The following EML5 variants were observed in gnomAD, a reference collection of about 807,000 sequenced individuals.
The protein encoded by EML5 is EMAP like 5.
A neutral mutation model predicts 250.0 loss-of-function variants in EML5; 120 were observed. The observed-to-expected ratio is 0.48, with a 90% confidence interval of 0.41 to 0.56. EML5 has a LOEUF of 0.56. Ranked by LOEUF, EML5 falls within the 20% of genes least tolerant of loss-of-function variation. The probability of loss-of-function intolerance (pLI) is 0.00; values close to 1 mark genes in which losing one functional copy is unlikely to be tolerated. For missense variants in EML5, 2,006 were observed against 2,437.6 expected (o/e 0.82, Z 3.73); for synonymous variants, 771 against 806.5 (o/e 0.96, Z 0.75).
chr14:88,693,444 C>T (rs556307863), intron 17 of EML5, among the ~76,000 whole-genome samples: 3 of 152,262 alleles, frequency 2.0e-5, no homozygotes, highest in East Asian at 3.9e-4. Flanking sequence ...TCTCATGAGA[C>T]GTATTCACTT....
chr14:88,702,568 C>T lies in EML5; in HGVS notation c.2116G>A (p.Val706Met), dbSNP rs776244158. The T allele has an allele frequency of 2.5e-6, 4 of 1,612,544 alleles. No individual in the cohort carries two copies. The highest frequency in any genetic ancestry group is 3.4e-6 in the Non-Finnish European group (4 of 1,179,276). Residue 706 changes from valine to methionine, a missense_variant, in exon 14 of 44, where the codon GTG becomes ATG. Coordinates refer to ENST00000554922, the MANE Select transcript of EML5 (RefSeq NM_183387.3). ...TTATAAATGACACCCACTGCTGCCA[C>T]ATGGTACACAATTTCACCAATTTGA... Reference protein sequence around the residue: ...YTQIGEIVYHVAAVGVIYNRQ... With the variant: ...YTQIGEIVYHMAAVGVIYNRQ...
In EML5 at chr14:88,624,956, G is replaced by A. The variant is rs2089695639; in HGVS notation, c.4898+14C>T. The stretch of plus-strand genomic sequence containing the variant: ...CAAATGCATAAATATTCTGTGAAAA[G>A]AAAGAGGACTCACGGCCTTTCCTTT... On this transcript the variant is annotated intron_variant, in intron 36 of 43. Transcript: ENST00000554922. The A allele has an allele frequency of 3.1e-6, 5 of 1,611,872 alleles. No individual in the cohort carries two copies. The highest frequency in any genetic ancestry group is 4.2e-6 in the Non-Finnish European group (5 of 1,179,088).
At chr14:88,662,073 T>C (rs1385209120) in intron 24 of EML5, among the ~76,000 whole-genome samples, 1 of 152,138 alleles carries the variant, frequency 6.6e-6, no homozygotes, top group African/African-American at 2.4e-5. Flanking sequence ...GTGTTCTAGA[T>C]GCTAAGCATA....
At chr14:88,737,263 G>A (rs1417389149) in intron 6 of EML5, among the ~76,000 whole-genome samples, 1 of 152,204 alleles carries the variant, frequency 6.6e-6, no homozygotes, top group Non-Finnish European at 1.5e-5. Context: ...CTATTAACAT[G>A]CTGTAACACC....
intron 9 of EML5, among the ~76,000 whole-genome samples, chr14:88,713,726 G>C (rs2093443711): frequency 6.6e-6 from 1 of 151,616 alleles, no homozygotes; most frequent in Non-Finnish European, 1.5e-5. Context: ...AAAGTGCTGG[G>C]ATTACAGGCG....
chr14:88,694,880 TGAC>T (rs1188985789), intron 16 of EML5, among the ~76,000 whole-genome samples: 1 of 152,176 alleles, frequency 6.6e-6, no homozygotes, highest in Non-Finnish European at 1.5e-5. Context: ...CTGACACTGT[TGAC>T]TAGTTCCTCC....
intron 1 of EML5, among the ~76,000 whole-genome samples, chr14:88,777,114 C>T (rs1182103418): frequency 6.6e-6 from 1 of 151,920 alleles, no homozygotes; most frequent in Non-Finnish European, 1.5e-5. Context: ...GCAGATTTAA[C>T]CCAAAAAAGA....
At chr14:88,700,221 A>G (rs1679621859) in intron 14 of EML5, among the ~76,000 whole-genome samples, 2 of 152,186 alleles carry the variant, frequency 1.3e-5, no homozygotes, top group Non-Finnish European at 2.9e-5. Context: ...ACTTAAGATC[A>G]CAGTTACTGA....
In EML5 at chr14:88,687,342, A is replaced by C; in HGVS notation, c.2743-15T>G. The C allele has an allele frequency of 6.5e-7, 1 of 1,541,668 alleles. No individual in the cohort carries two copies. The highest frequency in any genetic ancestry group is 8.8e-7 in the Non-Finnish European group (1 of 1,140,524). ...GTTACAAACCCCTATGGAAAAAAAA[A>C]GGTTCAAGTTAATAAAGATCTAAAT... is the stretch of plus-strand genomic sequence containing the variant. On this transcript the variant is annotated splice_polypyrimidine_tract_variant and intron_variant, in intron 18 of 43. Coordinates refer to ENST00000554922, the MANE Select transcript of EML5 (RefSeq NM_183387.3).
intron 1 of EML5, among the ~76,000 whole-genome samples, chr14:88,788,196 T>A (rs1359771114): frequency 6.6e-6 from 1 of 152,146 alleles, no homozygotes; most frequent in Non-Finnish European, 1.5e-5. Context: ...AAAAAATCTA[T>A]CTACCGTGCA....
intron 25 of EML5, among the ~76,000 whole-genome samples, chr14:88,661,077 T>C (rs188642405): frequency 1.1e-3 from 173 of 152,286 alleles, no homozygotes; most frequent in Middle Eastern, 0.01. Context: ...AAGTTAATAT[T>C]GGGGATAAAA....
chr14:88,779,757 T>C (rs1220921924), intron 1 of EML5, among the ~76,000 whole-genome samples: 1 of 152,156 alleles, frequency 6.6e-6, no homozygotes, highest in Non-Finnish European at 1.5e-5. Context: ...AAGACCAGAG[T>C]CTGGGACTTG....
At chr14:88,647,933 G>C (rs1232514582) in intron 28 of EML5, among the ~76,000 whole-genome samples, 1 of 152,168 alleles carries the variant, frequency 6.6e-6, no homozygotes, top group Non-Finnish European at 1.5e-5. Context: ...GGTAGCACTG[G>C]AGATACTTCA....
chr14:88,754,738 G>A (rs2094139107), intron 1 of EML5, 67 bp from the exon 2 acceptor site: 27 of 1,369,230 alleles, frequency 2.0e-5, no homozygotes, highest in Non-Finnish European at 2.6e-5. Flanking sequence ...ATAGTATTTG[G>A]TAGATGTAAA....
chr14:88,769,357 T>G (rs12590826), intron 1 of EML5, among the ~76,000 whole-genome samples: 36,993 of 152,098 alleles, frequency 0.24, 4,663 homozygotes, highest in East Asian at 0.38. Flanking sequence ...GCCTCCCCTT[T>G]GCCTTCTGCC....
chr14:88,735,505 G>T (rs1247707992), intron 7 of EML5, among the ~76,000 whole-genome samples: 1 of 152,062 alleles, frequency 6.6e-6, no homozygotes, highest in African/African-American at 2.4e-5. Flanking sequence ...AATATAACAA[G>T]GTATCATTTT....
intron 21 of EML5, among the ~76,000 whole-genome samples, chr14:88,669,537 C>T (rs150657144): frequency 3.3e-4 from 51 of 152,310 alleles, no homozygotes; most frequent in African/African-American, 1.1e-3. Flanking sequence ...CGGGGCCTCC[C>T]TGCAGGAATT....
At position 88,657,450 on chromosome 14, in the gene EML5, G is replaced by A. The variant is rs368323127; in HGVS notation, c.3930C>T (p.Ala1310=). ...RENEISYTIR[A]LSTNIRPMLG... ...ACATTGGGCGAATATTTGTTGATAA[G>A]GCTCTGATGGTGTAACTGATTTCAT... Residue 1310 remains alanine (A), a synonymous_variant, in exon 27 of 44, where the codon GCC becomes GCT. Transcript: ENST00000554922. 6.2e-7 allele frequency: 1 copy of A among 1,605,486 alleles called. No homozygotes were observed. Among genetic ancestry groups the A allele is most frequent in the Admixed American group, 1.7e-5 (1 of 59,060 alleles).
intron 1 of EML5, among the ~76,000 whole-genome samples, chr14:88,774,888 A>C (rs2094432588): frequency 6.6e-6 from 1 of 152,166 alleles, no homozygotes; most frequent in Middle Eastern, 3.4e-3. Context: ...CTAATTTAAA[A>C]CCCCACTTGG....
Sources: allele counts gnomAD v4.1 joint callset (sites outside exome capture counted in the v4.1 genomes callset), GRCh38; gene constraint gnomAD v4.1.1; transcripts MANE v1.5; gene names NCBI Gene and HGNC (gene_info 2026-07-23, HGNC 2026-07-21).